DOCK3: variants seen among roughly 807,000 people sequenced by gnomAD.
DOCK3 encodes the protein dedicator of cytokinesis protein 3.
Under a neutral mutation model 265.6 loss-of-function variants are expected in DOCK3, and 60 were observed. The observed-to-expected ratio is 0.23, with a 90% CI of 0.18 to 0.28. The LOEUF is 0.28. DOCK3 is among the 10% of genes least tolerant of loss of function. The pLI, the probability that DOCK3 is intolerant of heterozygous loss-of-function variation, is 1.00. For missense variants in DOCK3, 1,981 were observed against 2,594.3 expected (o/e 0.76, Z 5.14); for synonymous variants, 881 against 938.0 (o/e 0.94, Z 1.11).
At chr3:50,757,527 G>A (rs558354723) in intron 1 of DOCK3, among the ~76,000 whole-genome samples, 1 of 151,318 alleles carries the variant, frequency 6.6e-6, no homozygotes, top group Middle Eastern at 3.2e-3. Context: ...CTAGATACAA[G>A]TCCCTTGTAA....
intron 5 of DOCK3, among the ~76,000 whole-genome samples, chr3:50,948,171 C>T (rs1158444733): frequency 6.6e-6 from 1 of 150,940 alleles, no homozygotes; most frequent in Non-Finnish European, 1.5e-5. Flanking sequence ...GTTCTCCTGC[C>T]TTGGCCTCCC....
At chr3:51,212,775 T>G (rs1440451793) in intron 13 of DOCK3, among the ~76,000 whole-genome samples, 5 of 152,290 alleles carry the variant, frequency 3.3e-5, no homozygotes, top group Admixed American at 6.5e-5. Context: ...ACACTGATTA[T>G]CTAACCAGAA....
intron 3 of DOCK3, among the ~76,000 whole-genome samples, chr3:50,847,772 TACTC>T: frequency 6.7e-6 from 1 of 150,258 alleles, no homozygotes; most frequent in East Asian, 2.0e-4. Flanking sequence ...TAGTCCCAAT[TACTC>T]AGGAGGCTGA....
intron 1 of DOCK3, among the ~76,000 whole-genome samples, chr3:50,753,352 T>A (rs1188890820): frequency 6.6e-6 from 1 of 151,316 alleles, no homozygotes; most frequent in East Asian, 1.9e-4. Flanking sequence ...TGAATTTTTC[T>A]TTTTTTTTGA....
At chr3:51,038,438 A>G (rs1232262172) in intron 5 of DOCK3, among the ~76,000 whole-genome samples, 2 of 152,224 alleles carry the variant, frequency 1.3e-5, no homozygotes, top group African/African-American at 4.8e-5. Context: ...GCATTTGTAT[A>G]GCAGAGAGAG....
chr3:50,682,964 C>T (rs1339382744), intron 1 of DOCK3, among the ~76,000 whole-genome samples: 3 of 152,322 alleles, frequency 2.0e-5, no homozygotes, highest in East Asian at 1.9e-4. Context: ...GGATTACAGG[C>T]GTGAGCCACC....
intron 5 of DOCK3, among the ~76,000 whole-genome samples, chr3:50,998,439 T>C (rs2078357435): frequency 6.6e-6 from 1 of 152,182 alleles, no homozygotes; most frequent in Non-Finnish European, 1.5e-5. Context: ...TTGCAGACTC[T>C]TGGAGCTAGC....
chr3:51,065,283 C>T (rs2081551799), intron 6 of DOCK3, among the ~76,000 whole-genome samples: 2 of 151,926 alleles, frequency 1.3e-5, no homozygotes, highest in African/African-American at 4.8e-5. Flanking sequence ...TTTAAGTGAC[C>T]AGGTTGCCTC....
chr3:50,927,916 A>C (rs529107340), intron 4 of DOCK3, among the ~76,000 whole-genome samples: 3 of 152,222 alleles, frequency 2.0e-5, no homozygotes, highest in African/African-American at 7.2e-5. Context: ...GATTCCTATT[A>C]GCAGTAGACG....
At chr3:50,792,193 T>C (rs2042515149) in intron 2 of DOCK3, among the ~76,000 whole-genome samples, 1 of 152,056 alleles carries the variant, frequency 6.6e-6, no homozygotes, top group Non-Finnish European at 1.5e-5. Context: ...GTTAGCTATA[T>C]TTCTAGGTAT....
chr3:50,955,408 A>T (rs986693706), intron 5 of DOCK3, among the ~76,000 whole-genome samples: 13 of 152,226 alleles, frequency 8.5e-5, no homozygotes, highest in African/African-American at 2.9e-4. Flanking sequence ...AGTGCCATTC[A>T]CAATAGTCAA....
chr3:50,711,418 C>T (rs556176931), intron 1 of DOCK3, among the ~76,000 whole-genome samples: 69 of 151,976 alleles, frequency 4.5e-4, no homozygotes, highest in Non-Finnish European at 5.7e-4. Flanking sequence ...CCCGCCACCA[C>T]GCCTGGCTAA....
At chr3:51,122,804 T>TG (rs2084087766) in intron 9 of DOCK3, among the ~76,000 whole-genome samples, 1 of 152,230 alleles carries the variant, frequency 6.6e-6, no homozygotes, top group Non-Finnish European at 1.5e-5. Context: ...ACATCTGACC[T>TG]GGGTCTGCAG....
At chr3:51,362,706 G>C (rs1226953296) in intron 49 of DOCK3, 32 bp downstream of exon 49, 1 of 1,606,810 alleles carries the variant, frequency 6.2e-7, no homozygotes, top group Non-Finnish European at 8.5e-7. Flanking sequence ...TTGCAGAATG[G>C]AGAAGAGAGG....
chr3:50,860,560 G>A (rs1446705570), intron 3 of DOCK3, among the ~76,000 whole-genome samples: 1 of 152,198 alleles, frequency 6.6e-6, no homozygotes, highest in Non-Finnish European at 1.5e-5. Flanking sequence ...ACGGTTGAGA[G>A]GTCCTGTTTG....
chr3:51,313,030 A>C, intron 31 of DOCK3, 128 bp downstream of exon 31: 1 of 835,038 alleles, frequency 1.2e-6, no homozygotes, highest in Non-Finnish European at 1.9e-6. Flanking sequence ...CATATCTTTC[A>C]CATAACACCT....
At chr3:50,963,444 A>C (rs2076944469) in intron 5 of DOCK3, among the ~76,000 whole-genome samples, 1 of 152,200 alleles carries the variant, frequency 6.6e-6, no homozygotes. Flanking sequence ...CAAAATATTC[A>C]AATTGAATCC....
chr3:51,148,567 C>A (rs891979270), intron 10 of DOCK3, among the ~76,000 whole-genome samples: 1 of 152,180 alleles, frequency 6.6e-6, no homozygotes, highest in Admixed American at 6.5e-5. Context: ...ATATGGCTAG[C>A]CAGTTTTCCC....
chr3:51,352,873 CTG>C (rs763191020), intron 40 of DOCK3, among the ~76,000 whole-genome samples: 1 of 152,194 alleles, frequency 6.6e-6, no homozygotes, highest in Non-Finnish European at 1.5e-5. Context: ...AAGGTCAACA[CTG>C]TGTGCGTTCT....
Sources: allele counts gnomAD v4.1 joint callset (sites outside exome capture counted in the v4.1 genomes callset), GRCh38; gene constraint gnomAD v4.1.1; transcripts MANE v1.5; gene names NCBI Gene and HGNC (gene_info 2026-07-23, HGNC 2026-07-21).